NMRK1: variants seen among roughly 807,000 people sequenced by gnomAD.
NMRK1 encodes the protein NRK 1.
A neutral mutation model predicts 29.9 loss-of-function variants in NMRK1; 28 were observed. The ratio of observed to expected loss-of-function variants is 0.94; its 90% CI spans 0.69 to 1.28. The LOEUF (loss-of-function observed/expected upper bound fraction) is 1.28. Ranked by LOEUF, NMRK1 falls within the 50% of genes most tolerant of loss-of-function variation. The pLI is 0.00. For missense variants in NMRK1, 218 were observed against 233.1 expected, an observed-to-expected ratio of 0.94 and a Z score of 0.42; for synonymous variants, 58 against 73.0, an observed-to-expected ratio of 0.79 and a Z score of 1.05.
intron 4 of NMRK1, among the ~76,000 whole-genome samples, chr9:75,073,713 T>G (rs1398843623): frequency 6.6e-6 from 1 of 152,196 alleles, no homozygotes; most frequent in African/African-American, 2.4e-5. Context: ...CACTGCAGCC[T>G]GGGTGACAGA....
chr9:75,062,075 A>T (rs1340570906), intron 8 of NMRK1, among the ~76,000 whole-genome samples: 2 of 152,242 alleles, frequency 1.3e-5, no homozygotes, highest in African/African-American at 4.8e-5. Flanking sequence ...TGAAATATGT[A>T]AAATGTAAAA....
intron 4 of NMRK1, among the ~76,000 whole-genome samples, chr9:75,075,999 A>T (rs544808695): frequency 7.2e-5 from 11 of 152,392 alleles, no homozygotes; most frequent in Non-Finnish European, 1.3e-4. Context: ...TAGTACAGCC[A>T]CTATGGAGAA....
chr9:75,075,504 A>C (rs1227558778), intron 4 of NMRK1, among the ~76,000 whole-genome samples: 1 of 152,226 alleles, frequency 6.6e-6, no homozygotes, highest in Admixed American at 6.5e-5. Flanking sequence ...GAACATTATG[A>C]CTTTTTAAAG....
intron 8 of NMRK1, among the ~76,000 whole-genome samples, chr9:75,063,965 T>C (rs1425067410): frequency 6.6e-6 from 1 of 152,220 alleles, no homozygotes; most frequent in African/African-American, 2.4e-5. Context: ...CTTTTAAGTT[T>C]TTTTTTTAAA....
intron 1 of NMRK1, among the ~76,000 whole-genome samples, chr9:75,087,171 C>T (rs1392410196): frequency 1.3e-5 from 2 of 152,136 alleles, no homozygotes; most frequent in Non-Finnish European, 2.9e-5. Flanking sequence ...TCCCAAAGTG[C>T]TGGGATTACA....
At chr9:75,065,442 T>C (rs1823281676) in intron 8 of NMRK1, among the ~76,000 whole-genome samples, 1 of 152,172 alleles carries the variant, frequency 6.6e-6, no homozygotes, top group Admixed American at 6.5e-5. Context: ...GTGCTGGGAT[T>C]ACAGATGTGA....
intron 6 of NMRK1, chr9:75,069,470 A>G (rs567942154): frequency 6.2e-6 from 3 of 486,924 alleles, no homozygotes; most frequent in African/African-American, 6.0e-5. Context: ...ACTTACATTA[A>G]AATCCTAATC....
chr9:75,085,770 C>A (rs1394463955), intron 1 of NMRK1, among the ~76,000 whole-genome samples: 1 of 141,568 alleles, frequency 7.1e-6, no homozygotes, highest in Non-Finnish European at 1.5e-5. Flanking sequence ...AACAGGAACT[C>A]CCAGTTCTAC....
At chr9:75,078,289 A>C (rs1824119935) in intron 2 of NMRK1, 3 of 1,553,504 alleles carry the variant, frequency 1.9e-6, no homozygotes, top group Non-Finnish European at 2.6e-6. Context: ...GGCACAGTGG[A>C]AAAAACAGAG....
intron 6 of NMRK1, chr9:75,069,522 C>T (rs543214861): frequency 3.8e-6 from 2 of 529,156 alleles, no homozygotes; most frequent in Non-Finnish European, 6.6e-6. Context: ...AGAAATGAGC[C>T]GAAAGCTTGA....
intron 2 of NMRK1, among the ~76,000 whole-genome samples, chr9:75,078,742 T>C (rs142342385): frequency 5.9e-5 from 9 of 152,346 alleles, no homozygotes; most frequent in African/African-American, 1.7e-4. Context: ...GATGTTTTCA[T>C]ATTATGTTGC....
rs1822983350 is a variant in NMRK1, at chr9:75,060,863, AC to A, written c.*684del. 6.0e-5 allele frequency: 3 copies of A among 49,928 alleles called. No individual in the cohort carries two copies. Among genetic ancestry groups the A allele is most frequent in the African/African-American group, 3.8e-4 (3 of 7,996 alleles). The allele number at this position is 49,928 out of a possible 1,614,324, so 3.1% of individuals were successfully genotyped here. A position where few individuals can be genotyped will look rare whatever the true frequency, so the allele number is the denominator to read the frequency against. ...ACAATGGTATTAGATACACGCCAAC[AC>A]ACACACACACACACACACACACACA... On this transcript the variant is annotated 3_prime_UTR_variant, in exon 9 of 9. Coordinates refer to ENST00000361092, the MANE Select transcript of NMRK1 (RefSeq NM_017881.3).
At chr9:75,061,664 T>G (rs1587344613) in intron 8 of NMRK1, 97 bp from the exon 9 acceptor site, 1 of 1,068,702 alleles carries the variant, frequency 9.4e-7, no homozygotes, top group South Asian at 1.4e-5. Context: ...ATGTTTAAAT[T>G]AGAGGGATTC....
At chr9:75,062,019 C>A (rs1393198523) in intron 8 of NMRK1, among the ~76,000 whole-genome samples, 1 of 152,312 alleles carries the variant, frequency 6.6e-6, no homozygotes, top group African/African-American at 2.4e-5. Flanking sequence ...TCTTATTACA[C>A]AGCTGATGTT....
rs779524784 is a variant in NMRK1 at position 75,077,534 on chromosome 9, G to T, written c.76C>A (p.His26Asn). 1 of 1,613,518 alleles carries T rather than the reference G, an allele frequency of 6.2e-7. No individual in the cohort carries two copies. Among genetic ancestry groups the T allele is most frequent in the Admixed American group, 1.7e-5 (1 of 59,984 alleles). Residue 26 changes from histidine to asparagine, a missense_variant, in exon 3 of 9, where the codon CAC becomes AAC. Physicochemically the swap from His to Asn is moderately conservative, Grantham distance 68. Coordinates refer to ENST00000361092, the MANE Select transcript of NMRK1 (RefSeq NM_017881.3). ...GATATGACACTGCAATTTGGGAGGT[G>T]TTTCTGCAAATTCTTAGCCAGTGTT... is the stretch of plus-strand genomic sequence containing the variant. ...KTTLAKNLQK[H>N]LPNCSVISQD...
intron 8 of NMRK1, 141 bp from the exon 9 acceptor site, chr9:75,061,708 T>A (rs954427530): frequency 8.7e-5 from 57 of 654,552 alleles, no homozygotes; most frequent in Middle Eastern, 4.1e-4. Flanking sequence ...TGTAAAGAAC[T>A]AAATTGAGTC....
At position 75,069,152 on chromosome 9, in the gene NMRK1, AAAGT is replaced by A. The variant is rs764864472; in HGVS notation, c.390-54_390-51del. On this transcript the variant is annotated intron_variant, in intron 6 of 8. Coordinates refer to ENST00000361092, the MANE Select transcript of NMRK1 (RefSeq NM_017881.3). The stretch of plus-strand genomic sequence containing the variant: ...ATGTTGACAGAAACACACAATTGAT[AAAGT>A]AAAATATGAATGGTCAGGATAATGG... The A allele has an allele frequency of 6.3e-6, 8 of 1,265,292 alleles. No individual in the cohort carries two copies. In the South Asian group the frequency reaches 8.4e-5, roughly 13 times the overall value. 78.4% of individuals were successfully genotyped at this position (1,265,292 alleles called of 1,614,324 possible).
At chr9:75,068,757 C>T (rs1309453065) in intron 7 of NMRK1, among the ~76,000 whole-genome samples, 1 of 152,118 alleles carries the variant, frequency 6.6e-6, no homozygotes, top group African/African-American at 2.4e-5. Flanking sequence ...TTCCCCTCAC[C>T]ATCTCCAGGG....
chr9:75,077,641 T>A, intron 2 of NMRK1, 61 bp from the exon 3 acceptor site: 2 of 520,476 alleles, frequency 3.8e-6, no homozygotes, highest in South Asian at 7.6e-5. Context: ...ATTAAACACT[T>A]TTTTTTTTTT....
Sources: gnomAD v4.1 joint callset for allele counts (sites outside exome capture counted in the v4.1 genomes callset) on GRCh38, gnomAD v4.1.1 for gene constraint, MANE v1.5 for transcripts, NCBI Gene and HGNC (gene_info 2026-07-23, HGNC 2026-07-21) for gene names.